The following UVSSA variants were observed in gnomAD, a reference collection of about 807,000 sequenced individuals.
UVSSA encodes the protein UV-stimulated scaffold protein A.
In UVSSA, 72 loss-of-function variants were observed where a neutral mutation model predicts 73.9. The observed-to-expected ratio is 0.97, with a 90% CI of 0.81 to 1.19. The LOEUF is 1.19. Among genes scored for constraint, UVSSA ranks in the 50% most tolerant of loss-of-function variants. The pLI, the probability that UVSSA is intolerant of heterozygous loss-of-function variation, is 0.00. For missense variants in UVSSA, 1,150 were observed against 965.0 expected, an observed-to-expected ratio of 1.19 and a Z score of -2.54; for synonymous variants, 454 against 391.3, an observed-to-expected ratio of 1.16 and a Z score of -1.89.
Position 1,380,059 on chromosome 4 carries a change from G to T in UVSSA, c.1581G>T (p.Gln527His), listed in dbSNP as rs1348502354. 6.2e-7 allele frequency: 1 copy of T among 1,607,850 alleles called. No individual in the cohort carries two copies. The highest frequency in any genetic ancestry group is 8.5e-7 in the Non-Finnish European group (1 of 1,177,344). ...TAGKIVKSDS[Q>H]HRFWKPSEVE... The stretch of plus-strand genomic sequence containing the variant: ...GCTGTGTCTGCAGGTCTGACTCCCA[G>T]CACCGCTTCTGGAAGCCCAGCGAGG... The change falls in exon 11 of 14, where the codon CAG becomes CAT. Residue 527 changes from glutamine to histidine, a missense_variant. By Grantham distance (24) the Gln-to-His change is conservative. Coordinates refer to ENST00000389851, the MANE Select transcript of UVSSA (RefSeq NM_020894.4).
intron 8 of UVSSA, among the ~76,000 whole-genome samples, chr4:1,370,480 G>A (rs1031881052): frequency 2.0e-5 from 3 of 152,248 alleles, no homozygotes; most frequent in East Asian, 1.9e-4. Context: ...CACACCCTCC[G>A]CTTTCAGCCC....
intron 12 of UVSSA, 129 bp downstream of exon 12, chr4:1,381,117 C>T (rs1041259002): frequency 6.8e-6 from 6 of 877,796 alleles, no homozygotes; most frequent in African/African-American, 6.8e-5. Flanking sequence ...CTACAAGCCT[C>T]TCGGTCATAA....
intron 10 of UVSSA, among the ~76,000 whole-genome samples, chr4:1,378,221 G>GCAAC (rs1021587996): frequency 2.6e-5 from 4 of 152,168 alleles, no homozygotes; most frequent in Non-Finnish European, 5.9e-5. Flanking sequence ...GCGGCCACAG[G>GCAAC]CAACCACTAG....
At chr4:1,383,572 C>T (rs994477621) in intron 12 of UVSSA, among the ~76,000 whole-genome samples, 194 bp from the exon 13 acceptor site, 2 of 152,128 alleles carry the variant, frequency 1.3e-5, no homozygotes, top group Non-Finnish European at 2.9e-5. Context: ...GCATGCCCAC[C>T]CTCCCCAGCC....
chr4:1,394,998 G>A lies in UVSSA; in HGVS notation c.*9037G>A, dbSNP rs146249377. On this transcript the variant is annotated 3_prime_UTR_variant, in exon 14 of 14. Transcript: ENST00000511216. ...GAGTGCCCGCCTGCTCACACGTGCC[G>A]ACGTGGAGTGCCCGCCTGCTCACAC... 23 of 1,426,540 alleles carry A rather than the reference G, an allele frequency of 1.6e-5. 4 individuals are homozygous for A. The highest frequency in any genetic ancestry group is 1.6e-5 in the Non-Finnish European group (17 of 1,084,772). 88.4% of individuals were successfully genotyped at this position (1,426,540 alleles called of 1,614,324 possible).
chr4:1,385,733 C>A, intron 13 of UVSSA, 135 bp from the exon 14 acceptor site: 1 of 871,756 alleles, frequency 1.1e-6, no homozygotes, highest in Non-Finnish European at 1.9e-6. Flanking sequence ...GAAGGTGGCA[C>A]CCACAGGCAG....
intron 11 of UVSSA, among the ~76,000 whole-genome samples, chr4:1,380,463 T>C (rs924485747): frequency 7.9e-5 from 12 of 152,134 alleles, no homozygotes; most frequent in Admixed American, 7.2e-4. Context: ...GGTACATGGC[T>C]TGGGGACTCT....
intron 8 of UVSSA, among the ~76,000 whole-genome samples, chr4:1,373,715 T>C (rs1358936099): frequency 2.0e-5 from 3 of 152,166 alleles, no homozygotes; most frequent in Non-Finnish European, 4.4e-5. Flanking sequence ...CCTCCTGGGA[T>C]TTTAGAAGAG....
intron 7 of UVSSA, among the ~76,000 whole-genome samples, chr4:1,356,373 C>T (rs577246761): frequency 3.3e-5 from 5 of 152,036 alleles, no homozygotes; most frequent in Non-Finnish European, 7.4e-5. Context: ...TGGTGTGCAG[C>T]CCCCCCAGGG....
chr4:1,380,551 A>C (rs1253003473), intron 11 of UVSSA: 1 of 1,164,572 alleles, frequency 8.6e-7, no homozygotes, highest in Non-Finnish European at 1.2e-6. Context: ...AAAAGTGAGG[A>C]GAGGCCAGGG....
rs1720135740 is a variant in UVSSA at position 1,386,592 on chromosome 4, T to G, written c.*631T>G. On this transcript the variant is annotated 3_prime_UTR_variant, in exon 14 of 14. Coordinates refer to ENST00000389851, the MANE Select transcript of UVSSA (RefSeq NM_020894.4). ...TGTGCACCCATGTTCACAGCAGCAT[T>G]GGAGAAGGATACCGAACATCTTCTC... 1 of 152,412 alleles carries G rather than the reference T, an allele frequency of 6.6e-6. No individual in the cohort carries two copies. The highest frequency in any genetic ancestry group is 1.5e-5 in the Non-Finnish European group (1 of 68,190). 9.4% of individuals were successfully genotyped at this position (152,412 alleles called of 1,614,324 possible). A position where few individuals can be genotyped will look rare whatever the true frequency, so the allele number is the denominator to read the frequency against.
intron 7 of UVSSA, chr4:1,366,100 C>T (rs111779582): frequency 1.2e-5 from 5 of 419,768 alleles, no homozygotes; most frequent in Non-Finnish European, 2.1e-5. Context: ...AGACTCTAAA[C>T]AGCCCCCAGC....
chr4:1,375,153 C>A, intron 8 of UVSSA: 1 of 708,392 alleles, frequency 1.4e-6, no homozygotes, highest in Non-Finnish European at 2.3e-6. Flanking sequence ...CCGGACCCCC[C>A]GACGCACGCC....
chr4:1,380,806 C>T (rs1276893411), intron 11 of UVSSA, 74 bp from the exon 12 acceptor site: 32 of 1,591,978 alleles, frequency 2.0e-5, no homozygotes, highest in Middle Eastern at 1.7e-4. Flanking sequence ...GTGCCCAAGT[C>T]GTGGTGGTGG....
In UVSSA at chr4:1,354,848, G is replaced by C. The variant is rs1431235055; in HGVS notation, c.1047+1G>C. The stretch of plus-strand genomic sequence containing the variant: ...GCCGGCTGTGTGCTCGTGGATCCAG[G>C]TGAGCCTCGAACCTGGGACCTGTGG... On this transcript the variant is annotated splice_donor_variant, in intron 6 of 13. Coordinates refer to ENST00000389851, the MANE Select transcript of UVSSA (RefSeq NM_020894.4). LOFTEE classifies it high-confidence loss of function. 1 of 1,607,116 alleles carries C rather than the reference G, an allele frequency of 6.2e-7. No homozygotes were observed. Among genetic ancestry groups the C allele is most frequent in the East Asian group, 2.2e-5 (1 of 44,562 alleles).
chr4:1,375,258 G>A, intron 8 of UVSSA, 106 bp from the exon 9 acceptor site: 1 of 1,533,706 alleles, frequency 6.5e-7, no homozygotes, highest in Non-Finnish European at 8.8e-7. Flanking sequence ...ACTGTTGGAA[G>A]ATGGAACACG....
chr4:1,358,741 C>T lies in UVSSA; in HGVS notation c.1176+3496C>T, dbSNP rs367847660. On this transcript the variant is annotated intron_variant, in intron 7 of 13. Transcript: ENST00000389851. ...TAGAAATTATGGACGAGGTGCTCCT[C>T]GTTAATTTTCAAATAAAATTTACAG... 5.7e-4 allele frequency among the ~76,000 whole-genome samples: 87 copies of T among 152,352 alleles called. 1 individual carries two copies. The South Asian group carries it at 0.015, about 27-fold the overall frequency.
At chr4:1,375,309 T>C in intron 8 of UVSSA, 55 bp from the exon 9 acceptor site, 1 of 1,603,822 alleles carries the variant, frequency 6.2e-7, no homozygotes, top group Non-Finnish European at 8.5e-7. Flanking sequence ...TCTTGCCTGA[T>C]GTGCCTGGCG....
chr4:1,358,130 G>C (rs1716063582), intron 7 of UVSSA: 1 of 152,894 alleles, frequency 6.5e-6, no homozygotes, highest in Non-Finnish European at 1.5e-5. Context: ...AGGGCCTGCT[G>C]CCATCCCACT....
Sources: gnomAD v4.1 joint callset for allele counts (sites outside exome capture counted in the v4.1 genomes callset) on GRCh38, gnomAD v4.1.1 for gene constraint, MANE v1.5 for transcripts, NCBI Gene and HGNC (gene_info 2026-07-23, HGNC 2026-07-21) for gene names.